Variants in TESK2 observed in about 807,000 individuals in gnomAD.
TESK2 encodes dual specificity testis-specific protein kinase 2.
A neutral mutation model predicts 57.1 loss-of-function variants in TESK2; 39 were observed. The observed-to-expected ratio is 0.68, with a 90% confidence interval of 0.53 to 0.89. TESK2 has a LOEUF of 0.89. Ranked by LOEUF, TESK2 falls within the 40% of genes least tolerant of loss-of-function variation. The pLI, the probability that TESK2 is intolerant of heterozygous loss-of-function variation, is 0.00. For synonymous variants in TESK2, 249 were observed against 267.9 expected, an observed-to-expected ratio of 0.93 and a Z score of 0.69; for missense variants, 646 against 732.1, an observed-to-expected ratio of 0.88 and a Z score of 1.36.
intron 3 of TESK2, among the ~76,000 whole-genome samples, chr1:45,388,715 G>A (rs1170484055): frequency 1.4e-5 from 2 of 140,524 alleles, no homozygotes; most frequent in Non-Finnish European, 1.5e-5. Flanking sequence ...TGAGAGGTAC[G>A]GCTTTTTTTT....
chr1:45,374,200 T>C (rs1648315649), intron 4 of TESK2, among the ~76,000 whole-genome samples: 1 of 152,214 alleles, frequency 6.6e-6, no homozygotes, highest in African/African-American at 2.4e-5. Flanking sequence ...GCTAACAGTT[T>C]AACTGTTAAA....
intron 3 of TESK2, among the ~76,000 whole-genome samples, chr1:45,399,554 A>G (rs753759239): frequency 7.2e-5 from 11 of 152,146 alleles, no homozygotes; most frequent in Non-Finnish European, 1.5e-4. Context: ...ACCTCAGGTA[A>G]TCCGCCCGCC....
intron 2 of TESK2, among the ~76,000 whole-genome samples, chr1:45,433,711 A>G (rs1651074732): frequency 6.6e-6 from 1 of 152,136 alleles, no homozygotes; most frequent in Non-Finnish European, 1.5e-5. Context: ...TTGGTTCCAT[A>G]TATTTGCTAC....
chr1:45,460,042 C>T (rs1353035908), intron 1 of TESK2, among the ~76,000 whole-genome samples: 7 of 152,042 alleles, frequency 4.6e-5, no homozygotes, highest in African/African-American at 1.2e-4. Context: ...ATGGGAACAA[C>T]AGACACTGGA....
chr1:45,372,606 C>A (rs916578011), intron 4 of TESK2, among the ~76,000 whole-genome samples: 3 of 151,520 alleles, frequency 2.0e-5, no homozygotes, highest in Non-Finnish European at 1.5e-5. Context: ...CAAGATCTGG[C>A]CTGGTACAGT....
chr1:45,376,344 T>G (rs1648425333), intron 4 of TESK2, among the ~76,000 whole-genome samples: 1 of 151,026 alleles, frequency 6.6e-6, no homozygotes, highest in Non-Finnish European at 1.5e-5. Context: ...GCCTCTCAAG[T>G]AGCTGGGATT....
At position 45,457,680 on chromosome 1, in the gene TESK2, C is replaced by G; in HGVS notation, c.106G>C (p.Gly36Arg). ...GGGEGNVSQVGRVWPSSYRAL... is the reference protein window; with the variant it reads ...GGGEGNVSQVRRVWPSSYRAL... ...CGATACGAAGATGGCCAAACTCTTC[C>G]CACCTGGCTCACATTTCCTTCTCCT... The change falls in exon 2 of 11, where the codon GGA (glycine) becomes CGA (arginine). Residue 36 changes from glycine to arginine, a missense_variant. By Grantham distance (125) the Gly-to-Arg change is moderately radical. Coordinates refer to ENST00000372086, the MANE Select transcript of TESK2 (RefSeq NM_007170.3). 1 of 1,614,096 alleles carries G rather than the reference C, an allele frequency of 6.2e-7. No individual in the cohort carries two copies. Among genetic ancestry groups the G allele is most frequent in the African/African-American group, 1.3e-5 (1 of 75,020 alleles).
At chr1:45,368,144 GCC>G in intron 4 of TESK2, among the ~76,000 whole-genome samples, 1 of 149,208 alleles carries the variant, frequency 6.7e-6, no homozygotes, top group East Asian at 2.0e-4. Context: ...ACAGGCGCCT[GCC>G]ACCACACCCG....
At chr1:45,481,930 C>T (rs1331579343) in intron 1 of TESK2, among the ~76,000 whole-genome samples, 1 of 152,178 alleles carries the variant, frequency 6.6e-6, no homozygotes, top group African/African-American at 2.4e-5. Context: ...ATCACAACTG[C>T]ATAAAATTGA....
At chr1:45,356,579 C>A (rs1647433017) in intron 4 of TESK2, among the ~76,000 whole-genome samples, 1 of 148,758 alleles carries the variant, frequency 6.7e-6, no homozygotes, top group Non-Finnish European at 1.5e-5. Flanking sequence ...CATGCCAATG[C>A]ACTCCAGCCT....
At chr1:45,376,189 G>A (rs1648412634) in intron 4 of TESK2, among the ~76,000 whole-genome samples, 1 of 148,578 alleles carries the variant, frequency 6.7e-6, no homozygotes, top group South Asian at 2.1e-4. Context: ...GAAAGGATTT[G>A]AGATGTGACA....
intron 3 of TESK2, among the ~76,000 whole-genome samples, chr1:45,397,420 A>C (rs1649413050): frequency 6.6e-6 from 1 of 152,144 alleles, no homozygotes; most frequent in African/African-American, 2.4e-5. Flanking sequence ...AGCAAGACAC[A>C]ATCACTTCCC....
At chr1:45,394,344 T>G (rs1649271188) in intron 3 of TESK2, among the ~76,000 whole-genome samples, 1 of 149,082 alleles carries the variant, frequency 6.7e-6, no homozygotes, top group South Asian at 2.1e-4. Flanking sequence ...TTTTTTTTTT[T>G]GGTAGAGACA....
chr1:45,368,196 T>G (rs544264458), intron 4 of TESK2, among the ~76,000 whole-genome samples: 17 of 150,924 alleles, frequency 1.1e-4, no homozygotes, highest in Admixed American at 1.1e-3. Context: ...GGTTTCACCA[T>G]GTTGGCCAGG....
In TESK2 at chr1:45,462,946, A is replaced by G. The variant is rs1570755573; in HGVS notation, c.-86-5075T>C. On this transcript the variant is annotated intron_variant, in intron 1 of 10. Coordinates refer to ENST00000372086, the MANE Select transcript of TESK2 (RefSeq NM_007170.3). Reference sequence around the variant, plus strand: ...AAAGCCATTTTAAGGGTGAGATGATAACTCATTGTAGTTTTGATGTGCATT... The same window carrying G: ...AAAGCCATTTTAAGGGTGAGATGATGACTCATTGTAGTTTTGATGTGCATT... 3.9e-5 allele frequency among the ~76,000 whole-genome samples: 6 copies of G among 152,326 alleles called. No individual in the cohort carries two copies. In the South Asian group the frequency reaches 1.0e-3, roughly 26 times the overall value.
At position 45,439,745 on chromosome 1, in the gene TESK2, G is replaced by A. The variant is rs150314024; in HGVS notation, c.222+17819C>T. On this transcript the variant is annotated intron_variant, in intron 2 of 10. Transcript: ENST00000372086. Reference sequence around the variant, plus strand: ...TGAGACAGGAGAATTGCTTGAGCCCGGGAGTTCAAGACAAGGCTGGGCAGC... The same window carrying A: ...TGAGACAGGAGAATTGCTTGAGCCCAGGAGTTCAAGACAAGGCTGGGCAGC... 6.6e-4 allele frequency among the ~76,000 whole-genome samples: 101 copies of A among 152,140 alleles called. No individual in the cohort carries two copies. In the East Asian group the frequency reaches 0.013, roughly 19 times the overall value.
chr1:45,363,598 A>C (rs1190922309), intron 4 of TESK2, among the ~76,000 whole-genome samples: 2 of 152,200 alleles, frequency 1.3e-5, no homozygotes, highest in Non-Finnish European at 2.9e-5. Context: ...GGCCTGGCTA[A>C]TATTCACTCA....
chr1:45,483,061 C>A (rs1653298423), intron 1 of TESK2, among the ~76,000 whole-genome samples: 1 of 151,224 alleles, frequency 6.6e-6, no homozygotes, highest in African/African-American at 2.4e-5. Context: ...GGGCAGATCA[C>A]AAGGTCAGGA....
At chr1:45,439,949 G>A (rs550989895) in intron 2 of TESK2, among the ~76,000 whole-genome samples, 25 of 148,694 alleles carry the variant, frequency 1.7e-4, no homozygotes, top group African/African-American at 2.2e-4. Context: ...CAAAGCAAGC[G>A]CCCCCCCACT....
Sources: gnomAD v4.1 joint callset for allele counts (sites outside exome capture counted in the v4.1 genomes callset) on GRCh38, gnomAD v4.1.1 for gene constraint, MANE v1.5 for transcripts, NCBI Gene and HGNC (gene_info 2026-07-23, HGNC 2026-07-21) for gene names.